SRFBP1: variants seen among roughly 807,000 people sequenced by gnomAD.
SRFBP1 encodes the protein serum response factor-binding protein 1.
SRFBP1 carries 47 observed loss-of-function variants against 45.5 expected under a neutral mutation model. That is an observed-to-expected ratio of 1.03 (90% CI 0.82 to 1.32). SRFBP1 has a LOEUF of 1.32. Among genes scored for constraint, SRFBP1 ranks in the 40% most tolerant of loss-of-function variants. SRFBP1 has a pLI of 0.00. For missense variants in SRFBP1, 621 were observed against 484.6 expected (o/e 1.28, Z -2.64); for synonymous variants, 203 against 166.3 (o/e 1.22, Z -1.70).
intron 1 of SRFBP1, among the ~76,000 whole-genome samples, chr5:121,965,677 T>C (rs1752047969): frequency 6.6e-6 from 1 of 152,232 alleles, no homozygotes. Context: ...ATGCAGGCTC[T>C]TTTTTGATTC....
chr5:121,963,835 GA>G (rs1473831982), intron 1 of SRFBP1, among the ~76,000 whole-genome samples: 2 of 151,420 alleles, frequency 1.3e-5, no homozygotes, highest in East Asian at 3.9e-4. Flanking sequence ...GATGATGGAG[GA>G]TATTATAATT....
chr5:122,076,169 T>C (rs894617046), downstream of SRFBP1: 1 of 152,242 alleles, frequency 6.6e-6, no homozygotes, highest in East Asian at 1.9e-4. Context: ...CTGACAATTA[T>C]AAAGGGTCAA....
At chr5:121,980,764 T>C (rs1169135285) in intron 3 of SRFBP1, among the ~76,000 whole-genome samples, 1 of 152,094 alleles carries the variant, frequency 6.6e-6, no homozygotes, top group African/African-American at 2.4e-5. Flanking sequence ...TTAAACTATG[T>C]TTCTTAGCAG....
chr5:122,070,212 G>C (rs1754410774), intron 2 of SRFBP1: 1 of 1,076,738 alleles, frequency 9.3e-7, no homozygotes, highest in Non-Finnish European at 1.4e-6. Flanking sequence ...TTTCCATAGG[G>C]CTACAATAAG....
intron 2 of SRFBP1, among the ~76,000 whole-genome samples, chr5:122,072,559 T>C (rs1754481242): frequency 6.6e-6 from 1 of 152,182 alleles, no homozygotes; most frequent in Admixed American, 6.5e-5. Flanking sequence ...GTTTTATGCT[T>C]GAATACATTT....
chr5:122,070,467 A>G (rs759413446), intron 2 of SRFBP1: 1 of 1,246,090 alleles, frequency 8.0e-7, no homozygotes, highest in Admixed American at 1.8e-5. Context: ...CAATATCAAT[A>G]TATGATATAT....
intron 3 of SRFBP1, among the ~76,000 whole-genome samples, chr5:121,991,099 C>T (rs1050951656): frequency 2.0e-5 from 3 of 152,014 alleles, no homozygotes; most frequent in African/African-American, 7.2e-5. Flanking sequence ...GTCCGTCATC[C>T]CAGGCATTCT....
intron 2 of SRFBP1, among the ~76,000 whole-genome samples, chr5:122,037,155 C>T (rs888888888): frequency 2.6e-5 from 4 of 152,168 alleles, no homozygotes; most frequent in Non-Finnish European, 4.4e-5. Context: ...GCCTTGGCCT[C>T]CCAAAGTGCT....
chr5:121,972,001 C>T (rs1454932328), intron 1 of SRFBP1, among the ~76,000 whole-genome samples: 1 of 151,882 alleles, frequency 6.6e-6, no homozygotes, highest in Non-Finnish European at 1.5e-5. Context: ...TTTCTAAAAG[C>T]TTAGTTCTCC....
chr5:122,057,679 G>T (rs918296291), intron 2 of SRFBP1, among the ~76,000 whole-genome samples: 1 of 151,722 alleles, frequency 6.6e-6, no homozygotes, highest in Non-Finnish European at 1.5e-5. Flanking sequence ...AATGAATCTA[G>T]CAATGTTCAT....
At chr5:121,984,487 A>G (rs1035601688) in intron 3 of SRFBP1, among the ~76,000 whole-genome samples, 1 of 151,832 alleles carries the variant, frequency 6.6e-6, no homozygotes, top group Non-Finnish European at 1.5e-5. Context: ...TGTTCAGCAC[A>G]TAGAAGGCTT....
In SRFBP1 at chr5:122,028,086, C is replaced by T. The variant is rs1454543834; in HGVS notation, c.*960C>T. 1 of 152,142 alleles carries T rather than the reference C, an allele frequency of 6.6e-6. No individual in the cohort carries two copies. The highest frequency in any genetic ancestry group is 2.4e-5 in the African/African-American group (1 of 41,424). 9.4% of individuals were successfully genotyped at this position (152,142 alleles called of 1,614,324 possible). A position where few individuals can be genotyped will look rare whatever the true frequency, so the allele number is the denominator to read the frequency against. On this transcript the variant is annotated 3_prime_UTR_variant, in exon 8 of 8. Coordinates refer to ENST00000339397, the MANE Select transcript of SRFBP1 (RefSeq NM_152546.3). The stretch of plus-strand genomic sequence containing the variant: ...AGATGACTCACTGAGGAAGGGACTG[C>T]TTTATACATCACAGTACTGCTATTT...
At chr5:122,032,304 T>C (rs536472727), downstream of SRFBP1, among the ~76,000 whole-genome samples, 57 of 151,828 alleles carry the variant, frequency 3.8e-4, no homozygotes, top group African/African-American at 1.1e-3. Flanking sequence ...ACGGCAACAC[T>C]GTTCGTGAAG....
At chr5:122,065,911 C>G (rs1386962393) in intron 2 of SRFBP1, 1 of 151,960 alleles carries the variant, frequency 6.6e-6, no homozygotes, top group Non-Finnish European at 1.5e-5. Flanking sequence ...AAATGACTTT[C>G]CAGTTTCACG....
At position 122,016,334 on chromosome 5, in the gene SRFBP1, A is replaced by T. The variant is rs187202378; in HGVS notation, c.271-2926A>T. On this transcript the variant is annotated intron_variant, in intron 4 of 7. Transcript: ENST00000339397. ...TGGACAGAAATGTACAAGGATGTAA[A>T]TTTTTTTGAATAAACTGCATGTGTG... 5.0e-3 allele frequency among the ~76,000 whole-genome samples: 768 copies of T among 152,194 alleles called. 12 individuals carry two copies. The highest frequency in any genetic ancestry group is 0.017 in the African/African-American group (725 of 41,518).
rs570944214 is a variant in SRFBP1 at position 122,054,875 on chromosome 5, G to A, written n.312-20440G>A. Among the ~76,000 whole-genome samples the A allele has an allele frequency of 3.9e-5, 6 of 152,164 alleles. No individual in the cohort carries two copies. In the South Asian group the frequency reaches 1.0e-3, roughly 26 times the overall value. Reference sequence around the variant, plus strand: ...CTTTTCATTTTTTCCCCTCAAATTTGTTAGTTATGTCATTTCTACCTTATG... The same window carrying A: ...CTTTTCATTTTTTCCCCTCAAATTTATTAGTTATGTCATTTCTACCTTATG... On this transcript the variant is annotated intron_variant and non_coding_transcript_variant, in intron 2 of 2. Transcript: ENST00000504881.
chr5:121,973,446 A>T (rs1437658427), intron 1 of SRFBP1, among the ~76,000 whole-genome samples: 3 of 151,652 alleles, frequency 2.0e-5, no homozygotes, highest in Non-Finnish European at 4.4e-5. Flanking sequence ...TGAAATATAA[A>T]CTCCGTAATT....
rs187019675 is a variant in SRFBP1 at position 122,054,562 on chromosome 5, A to G, written n.312-20753A>G. On this transcript the variant is annotated intron_variant and non_coding_transcript_variant, in intron 2 of 2. Transcript: ENST00000504881. ...TGAAAGACACTGTAACTGTGTTTCA[A>G]TGAACTTTATCTACAAAATCAGGTG... Among the ~76,000 whole-genome samples the G allele has an allele frequency of 1.6e-4, 25 of 152,320 alleles. No homozygotes were observed. The East Asian group carries it at 4.2e-3, about 26-fold the overall frequency.
intron 1 of SRFBP1, among the ~76,000 whole-genome samples, chr5:121,971,487 A>G (rs1771404558): frequency 6.6e-6 from 1 of 152,006 alleles, no homozygotes; most frequent in Non-Finnish European, 1.5e-5. Flanking sequence ...GGTGAAGAAC[A>G]TGAATTTAGG....
Sources: gnomAD v4.1 joint callset for allele counts (sites outside exome capture counted in the v4.1 genomes callset) on GRCh38, gnomAD v4.1.1 for gene constraint, MANE v1.5 for transcripts, NCBI Gene and HGNC (gene_info 2026-07-23, HGNC 2026-07-21) for gene names.